The following NOC2L variants were observed in gnomAD, a reference collection of about 807,000 sequenced individuals.
NOC2L encodes NOC2 like nucleolar associated transcriptional repressor.
Under a neutral mutation model 94.2 loss-of-function variants are expected in NOC2L, and 101 were observed. That is an observed-to-expected ratio of 1.07 (90% CI 0.91 to 1.26). The LOEUF (loss-of-function observed/expected upper bound fraction) is 1.26, where lower values mean the gene tolerates loss of function less well. Among genes scored for constraint, NOC2L ranks in the 50% most tolerant of loss-of-function variants. The pLI is 0.00. For missense variants in NOC2L, 1,076 were observed against 980.1 expected, an observed-to-expected ratio of 1.10 and a Z score of -1.31; for synonymous variants, 531 against 413.4, an observed-to-expected ratio of 1.28 and a Z score of -3.45.
chr1:952,323 C>G (rs1216017745), intron 10 of NOC2L, 89 bp downstream of exon 10: 14 of 1,508,504 alleles, frequency 9.3e-6, no homozygotes, highest in African/African-American at 1.4e-5. Flanking sequence ...ACAGGGGCTT[C>G]GGGGAGGCCC....
chr1:950,468 TACAGGTACAC>T (rs535039160), intron 12 of NOC2L, among the ~76,000 whole-genome samples: 158 of 150,374 alleles, frequency 1.1e-3, no homozygotes, highest in Non-Finnish European at 1.8e-3. Flanking sequence ...TGTGCATGCA[TACAGGTACAC>T]ACAGGTACAC....
Position 947,199 on chromosome 1 carries a change from T to G in NOC2L, c.1660-654A>C, listed in dbSNP as rs539850398. On this transcript the variant is annotated intron_variant, in intron 14 of 18. Transcript: ENST00000327044. ...ATTTGGCCCCTCACCAAAAACATTT[T>G]CTGACCCCTACCCCAGACCCCGACC... 3 of 152,430 alleles carry G rather than the reference T, an allele frequency of 2.0e-5. No homozygotes were observed. The South Asian group carries it at 6.2e-4, about 32-fold the overall frequency. The allele number at this position is 152,430 out of a possible 1,614,324, so 9.4% of individuals were successfully genotyped here.
At chr1:946,089 T>A in intron 16 of NOC2L, 84 bp downstream of exon 16, 2 of 1,052,320 alleles carry the variant, frequency 1.9e-6, no homozygotes, top group Non-Finnish European at 1.4e-6. Flanking sequence ...TTCCAAACCC[T>A]CGCCCTGGTC....
intron 12 of NOC2L, among the ~76,000 whole-genome samples, chr1:948,861 C>T (rs1416535451): frequency 6.6e-6 from 1 of 152,150 alleles, no homozygotes; most frequent in Non-Finnish European, 1.5e-5. Context: ...GGATCAGGAA[C>T]ACGGGCCCTC....
intron 4 of NOC2L, 133 bp downstream of exon 4, chr1:956,761 C>A (rs187097013): frequency 1.6e-6 from 2 of 1,282,602 alleles, no homozygotes; most frequent in African/African-American, 1.5e-5. Context: ...CAGCCTCAGG[C>A]GCCTCAGGTG....
At chr1:958,519 G>C (rs1642479714) in intron 2 of NOC2L, 1 of 375,038 alleles carries the variant, frequency 2.7e-6, no homozygotes, top group Non-Finnish European at 5.3e-6. Context: ...CAAAGTGCTG[G>C]CATTACAGGC....
At chr1:951,295 C>T (rs2100387149) in intron 11 of NOC2L, 57 bp from the exon 12 acceptor site, 2 of 1,324,988 alleles carry the variant, frequency 1.5e-6, no homozygotes, top group East Asian at 2.5e-5. Flanking sequence ...CCCTGCCCCT[C>T]CCCCTGCTGT....
In NOC2L at chr1:954,179, A is replaced by G. The variant is rs755675030; in HGVS notation, c.699-97T>C. On this transcript the variant is annotated intron_variant, in intron 6 of 18. Coordinates refer to ENST00000327044, the MANE Select transcript of NOC2L (RefSeq NM_015658.4). ...GCGTGCCCTGGCCAGCATAGCCTCT[A>G]CGACTCTGCAGAGACCCCCCGTCTC... 1.7e-5 allele frequency: 20 copies of G among 1,158,614 alleles called. No individual in the cohort carries two copies. The African/African-American group carries it at 3.0e-4, about 17-fold the overall frequency. The allele number at this position is 1,158,614 out of a possible 1,614,324, so 71.8% of individuals were successfully genotyped here.
intron 16 of NOC2L, 82 bp downstream of exon 16, chr1:946,091 G>C (rs577367675): frequency 1.9e-6 from 2 of 1,059,936 alleles, no homozygotes; most frequent in African/African-American, 3.1e-5. Context: ...CCAAACCCTC[G>C]CCCTGGTCTC....
At position 958,879 on chromosome 1, in the gene NOC2L, G is replaced by C. The variant is rs750853660; in HGVS notation, c.179+50C>G. On this transcript the variant is annotated intron_variant, in intron 2 of 18. Transcript: ENST00000327044. Reference sequence around the variant, plus strand: ...CCAGGCGAGGTCAGCAACCCAACCGGGGTGGGACAGGACGAGCAAGAGGTT... The same window carrying C: ...CCAGGCGAGGTCAGCAACCCAACCGCGGTGGGACAGGACGAGCAAGAGGTT... 9 of 1,608,308 alleles carry C rather than the reference G, an allele frequency of 5.6e-6. No individual in the cohort carries two copies. In the Admixed American group the frequency reaches 1.5e-4, roughly 27 times the overall value.
At chr1:944,959 A>G in intron 18 of NOC2L, 98 bp downstream of exon 18, 1 of 1,577,234 alleles carries the variant, frequency 6.3e-7, no homozygotes, top group Non-Finnish European at 8.6e-7. Context: ...AGGGAGGGAA[A>G]AGCCTGGCCC....
At position 948,180 on chromosome 1, in the gene NOC2L, T is replaced by C; in HGVS notation, c.1610A>G (p.Gln537Arg). The C allele has an allele frequency of 1.9e-6, 3 of 1,591,700 alleles. No homozygotes were observed. Among genetic ancestry groups the C allele is most frequent in the Non-Finnish European group, 2.6e-6 (3 of 1,169,686 alleles). Reference protein sequence around the residue: ...YDLTLEYLHSQAHCIGFPELV... With the variant: ...YDLTLEYLHSRAHCIGFPELV... The stretch of plus-strand genomic sequence containing the variant: ...CTCCGGGAAGCCGATGCAGTGTGCC[T>C]GGCTGTGCAGGTACTCCAGGGTGAG... Residue 537 changes from glutamine (Q) to arginine (R), a missense_variant, in exon 14 of 19, where the codon CAG becomes CGG. Gln to Arg is a conservative substitution (Grantham distance 43, BLOSUM62 1). Transcript: ENST00000327044.
intron 2 of NOC2L, chr1:958,251 A>G (rs6605069): frequency 0.9 from 144,199 of 159,914 alleles, 65,145 homozygotes; most frequent in Non-Finnish European, 0.93. Context: ...GTATCTTTTG[A>G]TTTCTTTCTT....
chr1:946,403 ACT>A lies in NOC2L; in HGVS notation c.1800_1801del (p.Val601GlyfsTer26). The A allele has an allele frequency of 6.2e-7, 1 of 1,613,530 alleles. No individual in the cohort carries two copies. Among genetic ancestry groups the A allele is most frequent in the Non-Finnish European group, 8.5e-7 (1 of 1,179,998 alleles). On this transcript the variant is annotated frameshift_variant and splice_region_variant, in exon 15 of 19. Transcript: ENST00000327044. LOFTEE classifies it high-confidence loss of function. ...GCACTACCCCCAGGGCCCACTAACC[ACT>A]GCCTGCTGCTCAGAGACGCCGAAGG...
Position 946,166 on chromosome 1 carries a change from G to A in NOC2L, c.1917+7C>T, listed in dbSNP as rs1288010241. On this transcript the variant is annotated splice_region_variant and intron_variant, in intron 16 of 18. Coordinates refer to ENST00000327044, the MANE Select transcript of NOC2L (RefSeq NM_015658.4). ...ACACACCCCCAGGTCCCCTCGCCGA[G>A]CCGCACCCGCTCTTTGCCACTGATC... is the stretch of plus-strand genomic sequence containing the variant. 4.4e-6 allele frequency: 7 copies of A among 1,599,726 alleles called. No homozygotes were observed. The Admixed American group carries it at 1.0e-4, about 23-fold the overall frequency.
At position 954,023 on chromosome 1, in the gene NOC2L, T is replaced by A. The variant is rs62639963; in HGVS notation, c.758A>T (p.Tyr253Phe). The A allele has an allele frequency of 9.7e-4, 1,561 of 1,606,570 alleles. 16 individuals carry two copies. The African/African-American group carries it at 0.018, about 19-fold the overall frequency. The part of the protein sequence containing the change: ...WGKLRVDIKA[Y>F]LGSAIQLVSC... ...TAGCACCTGTATGGCCGAGCCCAGGTAAGCCTTGATGTCCACACGAAGCTT... is the reference window on the plus strand; with the variant it reads ...TAGCACCTGTATGGCCGAGCCCAGGAAAGCCTTGATGTCCACACGAAGCTT... The change falls in exon 7 of 19, where the codon TAC becomes TTC. Residue 253 changes from tyrosine (Y) to phenylalanine (F), a missense_variant. Tyr to Phe is a conservative substitution (Grantham distance 22). This residue lies in a region of NOC2L where 457 missense variants were observed against 386.0 expected (regional missense o/e 1.18). Transcript: ENST00000327044.
rs764049727 is a variant in NOC2L, at chr1:948,535, C to G, written c.1512G>C (p.Val504=). The change falls in exon 13 of 19, where the codon GTG becomes GTC. Residue 504 remains valine (V), a synonymous_variant. Coordinates refer to ENST00000327044, the MANE Select transcript of NOC2L (RefSeq NM_015658.4). ...RMSSKPINFS[V]ILKLSNVNLQ... is the part of the protein sequence containing the mutation. The stretch of plus-strand genomic sequence containing the variant: ...GGTTGACATTGGACAGCTTCAGGAT[C>G]ACGGAGAAGTTGATGGGCTTGGAGC... 6.2e-7 allele frequency: 1 copy of G among 1,613,694 alleles called. No homozygotes were observed. The highest frequency in any genetic ancestry group is 8.5e-7 in the Non-Finnish European group (1 of 1,179,972).
chr1:952,593 T>A lies in NOC2L; in HGVS notation c.1010A>T (p.Tyr337Phe). ...TFLGPVLKQM[Y>F]ITYVRNCKFT... The stretch of plus-strand genomic sequence containing the variant: ...CTTGCAGTTCCTCACATACGTGATG[T>A]ACATTTGCTGCGGAGAGACCCGGGT... Residue 337 changes from tyrosine to phenylalanine, a missense_variant, in exon 10 of 19, where the codon TAC becomes TTC. Physicochemically the swap from Tyr to Phe is conservative, Grantham distance 22 (BLOSUM62 3). Transcript: ENST00000327044. 6.2e-7 allele frequency: 1 copy of A among 1,613,670 alleles called. No individual in the cohort carries two copies. The highest frequency in any genetic ancestry group is 1.1e-5 in the South Asian group (1 of 91,092).
At chr1:947,549 G>C (rs112056662) in intron 14 of NOC2L, among the ~76,000 whole-genome samples, 107 of 152,366 alleles carry the variant, frequency 7.0e-4, no homozygotes, top group African/African-American at 2.5e-3. Flanking sequence ...AGGCCTCCCT[G>C]AGGCTGGAAA....
Sources: allele counts gnomAD v4.1 joint callset (sites outside exome capture counted in the v4.1 genomes callset), GRCh38; gene constraint gnomAD v4.1.1; regional missense constraint gnomAD v4.1.1; transcripts MANE v1.5; gene names NCBI Gene and HGNC (gene_info 2026-07-23, HGNC 2026-07-21).